Variants in GRM1 observed in about 807,000 individuals in gnomAD.
The protein encoded by GRM1 is metabotropic glutamate receptor 1.
Under a neutral mutation model 90.9 loss-of-function variants are expected in GRM1, and 33 were observed. The observed-to-expected ratio is 0.36, with a 90% CI of 0.28 to 0.49. The LOEUF (loss-of-function observed/expected upper bound fraction) is 0.49. GRM1 is among the 20% of genes least tolerant of loss of function. The pLI, the probability that GRM1 is intolerant of heterozygous loss-of-function variation, is 0.99. For synonymous variants in GRM1, 700 were observed against 613.2 expected (o/e 1.14, Z -2.09); for missense variants, 1,190 against 1,534.3 (o/e 0.78, Z 3.75).
chr6:146,195,654 C>A (rs1779089977), intron 2 of GRM1, among the ~76,000 whole-genome samples: 1 of 152,194 alleles, frequency 6.6e-6, no homozygotes, highest in Non-Finnish European at 1.5e-5. Context: ...AATTTACTAG[C>A]AGTGAGGCTG....
At chr6:146,086,579 A>G (rs574005002) in intron 1 of GRM1, among the ~76,000 whole-genome samples, 28 of 151,802 alleles carry the variant, frequency 1.8e-4, no homozygotes, top group Non-Finnish European at 3.8e-4. Context: ...TAGGAGATAA[A>G]TATATTGATT....
chr6:146,180,713 G>C (rs749435246), intron 2 of GRM1, among the ~76,000 whole-genome samples: 2 of 151,472 alleles, frequency 1.3e-5, no homozygotes, highest in Non-Finnish European at 2.9e-5. Flanking sequence ...TACTAAAATT[G>C]GTTTTCTTCA....
chr6:146,389,569 A>G (rs1201518179), intron 6 of GRM1, among the ~76,000 whole-genome samples: 2 of 152,024 alleles, frequency 1.3e-5, no homozygotes, highest in Non-Finnish European at 2.9e-5. Flanking sequence ...TTGGTAAAAT[A>G]TTTTTAAAAT....
intron 2 of GRM1, among the ~76,000 whole-genome samples, chr6:146,267,697 GCTCGGCTCGTCTCGTCTCGTCTCGT>G (rs1412897678): frequency 0.016 from 1,724 of 110,224 alleles, 24 homozygotes; most frequent in African/African-American, 0.025. Context: ...GCTCGGCTCG[GCTCGGCTCGTCTCGTCTCGTCTCGT>G]CTCGTCTCGT....
At chr6:146,416,856 T>C (rs1346061305) in intron 7 of GRM1, among the ~76,000 whole-genome samples, 1 of 152,178 alleles carries the variant, frequency 6.6e-6, no homozygotes, top group Non-Finnish European at 1.5e-5. Context: ...CCAGAAACTT[T>C]ACTCTGATTT....
At chr6:146,113,288 A>G (rs1292720261) in intron 1 of GRM1, among the ~76,000 whole-genome samples, 1 of 152,162 alleles carries the variant, frequency 6.6e-6, no homozygotes, top group Non-Finnish European at 1.5e-5. Flanking sequence ...ATTCAGTAGA[A>G]TATTTTGAGA....
intron 7 of GRM1, among the ~76,000 whole-genome samples, chr6:146,413,632 A>G (rs758174461): frequency 5.3e-5 from 8 of 152,170 alleles, no homozygotes; most frequent in Non-Finnish European, 1.0e-4. Flanking sequence ...GATATATTCT[A>G]CAAATGTGTA....
intron 4 of GRM1, among the ~76,000 whole-genome samples, chr6:146,355,051 T>C (rs561224218): frequency 1.3e-5 from 2 of 152,318 alleles, no homozygotes; most frequent in Admixed American, 6.5e-5. Context: ...ATAAAAGTCT[T>C]TGGAAACTGA....
Position 146,172,970 on chromosome 6 carries a change from C to T in GRM1, c.950+13373C>T, listed in dbSNP as rs193297568. 3.5e-3 allele frequency among the ~76,000 whole-genome samples: 527 copies of T among 152,146 alleles called. 5 individuals are homozygous for T. The highest frequency in any genetic ancestry group is 0.012 in the African/African-American group (497 of 41,510). On this transcript the variant is annotated intron_variant, in intron 2 of 7. Transcript: ENST00000282753. Reference sequence around the variant, plus strand: ...TAAGGCTGGATTTTGAAAAGAGAGGCGACATTTCTTCCTCTGACCCAGGAG... The same window carrying T: ...TAAGGCTGGATTTTGAAAAGAGAGGTGACATTTCTTCCTCTGACCCAGGAG...
chr6:146,317,596 G>T (rs1389209264), intron 3 of GRM1, among the ~76,000 whole-genome samples: 1 of 152,170 alleles, frequency 6.6e-6, no homozygotes, highest in East Asian at 1.9e-4. Context: ...ATTAAAAATA[G>T]TTTAATGCCT....
At chr6:146,043,762 A>AT (rs979285103) in intron 1 of GRM1, among the ~76,000 whole-genome samples, 3 of 129,112 alleles carry the variant, frequency 2.3e-5, no homozygotes, top group Non-Finnish European at 5.1e-5. Flanking sequence ...TCTCAACTCT[A>AT]TTTTTGGAAA....
At chr6:146,080,147 T>C (rs1052094067) in intron 1 of GRM1, among the ~76,000 whole-genome samples, 53 of 152,146 alleles carry the variant, frequency 3.5e-4, no homozygotes, top group African/African-American at 1.1e-3. Flanking sequence ...ATAATTTTCA[T>C]TGGGGATGGT....
At chr6:146,163,376 G>A (rs1382066510) in intron 2 of GRM1, among the ~76,000 whole-genome samples, 2 of 152,134 alleles carry the variant, frequency 1.3e-5, no homozygotes, top group Non-Finnish European at 2.9e-5. Flanking sequence ...TGATGTACCT[G>A]CGTCTGATAA....
chr6:146,186,178 A>G (rs558115320), intron 2 of GRM1, among the ~76,000 whole-genome samples: 4 of 148,806 alleles, frequency 2.7e-5, no homozygotes, highest in Non-Finnish European at 5.9e-5. Flanking sequence ...GGGTTTCACC[A>G]TGTTGGCCAA....
chr6:146,320,335 G>A (rs1358464533), intron 3 of GRM1, among the ~76,000 whole-genome samples: 1 of 152,144 alleles, frequency 6.6e-6, no homozygotes, highest in Non-Finnish European at 1.5e-5. Flanking sequence ...TTCTGGATAA[G>A]CTTTTTGATG....
intron 2 of GRM1, among the ~76,000 whole-genome samples, chr6:146,291,537 GT>G (rs1182446237): frequency 1.3e-5 from 2 of 151,580 alleles, no homozygotes; most frequent in Non-Finnish European, 2.9e-5. Flanking sequence ...AGTCCCCCTT[GT>G]CTTCTCTTTC....
chr6:146,148,546 T>C (rs1375355783), intron 1 of GRM1, among the ~76,000 whole-genome samples: 1 of 152,190 alleles, frequency 6.6e-6, no homozygotes, highest in African/African-American at 2.4e-5. Context: ...CATACCAACC[T>C]CCTATTGTTG....
chr6:146,414,417 T>C (rs1304734118), intron 7 of GRM1, among the ~76,000 whole-genome samples: 1 of 151,382 alleles, frequency 6.6e-6, no homozygotes, highest in East Asian at 1.9e-4. Flanking sequence ...TTTGTTGTTG[T>C]TGTTGAGATG....
chr6:146,411,665 C>T (rs1485492179), intron 7 of GRM1, among the ~76,000 whole-genome samples: 1 of 152,076 alleles, frequency 6.6e-6, no homozygotes, highest in Non-Finnish European at 1.5e-5. Context: ...ATTACAGTGG[C>T]CTGACCTGTG....
Sources: allele counts gnomAD v4.1 joint callset (sites outside exome capture counted in the v4.1 genomes callset), GRCh38; gene constraint gnomAD v4.1.1; transcripts MANE v1.5; gene names NCBI Gene and HGNC (gene_info 2026-07-23, HGNC 2026-07-21).